The following MYO1B variants were observed in gnomAD, a reference collection of about 807,000 sequenced individuals.
The protein encoded by MYO1B is myosin IB.
In MYO1B, 72 loss-of-function variants were observed where a neutral mutation model predicts 159.7. That is an observed-to-expected ratio of 0.45 (90% CI 0.37 to 0.55). The LOEUF (loss-of-function observed/expected upper bound fraction) is 0.55. Ranked by LOEUF, MYO1B falls within the 20% of genes least tolerant of loss-of-function variation. The pLI is 0.00. For missense variants in MYO1B, 1,062 were observed against 1,364.8 expected, an observed-to-expected ratio of 0.78 and a Z score of 3.50; for synonymous variants, 468 against 473.8, an observed-to-expected ratio of 0.99 and a Z score of 0.16.
chr2:191,352,483 A>G (rs13429218), intron 7 of MYO1B, among the ~76,000 whole-genome samples: 3,361 of 152,326 alleles, frequency 0.022, 114 homozygotes, highest in African/African-American at 0.075. Flanking sequence ...AAATAACTTC[A>G]GTTTTAAATT....
intron 1 of MYO1B, among the ~76,000 whole-genome samples, chr2:191,260,263 T>TTTTTTTTTTTTTTTTTTTTTTG (rs1686728684): frequency 7.0e-6 from 1 of 143,482 alleles, no homozygotes. Context: ...GCTTTTTTTT[T>TTTTTTTTTTTTTTTTTTTTTTG]TTTTGAATTA....
At chr2:191,411,771 T>G (rs958913687) in intron 27 of MYO1B, among the ~76,000 whole-genome samples, 1 of 152,186 alleles carries the variant, frequency 6.6e-6, no homozygotes, top group Non-Finnish European at 1.5e-5. Context: ...CAATCCCAAG[T>G]TCAGCAAGTG....
chr2:191,283,625 A>G (rs1011176016), intron 2 of MYO1B, among the ~76,000 whole-genome samples: 17 of 152,230 alleles, frequency 1.1e-4, no homozygotes, highest in Admixed American at 1.3e-4. Context: ...TTACATATGA[A>G]GAAACCGAGG....
intron 7 of MYO1B, among the ~76,000 whole-genome samples, chr2:191,353,316 T>C (rs988042850): frequency 1.3e-5 from 2 of 152,228 alleles, no homozygotes; most frequent in African/African-American, 4.8e-5. Flanking sequence ...CATCTAGTGT[T>C]ATGAACTGGA....
At chr2:191,351,588 T>C (rs773977761) in intron 7 of MYO1B, among the ~76,000 whole-genome samples, 3 of 152,206 alleles carry the variant, frequency 2.0e-5, no homozygotes, top group Non-Finnish European at 4.4e-5. Context: ...CTGTAGTTCT[T>C]AAATAATTTA....
At chr2:191,356,539 A>C (rs1399685225) in intron 7 of MYO1B, among the ~76,000 whole-genome samples, 2 of 152,132 alleles carry the variant, frequency 1.3e-5, no homozygotes, top group African/African-American at 4.8e-5. Flanking sequence ...GTTGTTCTTC[A>C]TACAAACATA....
At chr2:191,397,606 C>T (rs1394807990) in intron 21 of MYO1B, among the ~76,000 whole-genome samples, 2 of 149,402 alleles carry the variant, frequency 1.3e-5, no homozygotes, top group Admixed American at 1.3e-4. Flanking sequence ...CCACACAGAC[C>T]CGGCAACCAT....
At chr2:191,413,974 C>A in intron 27 of MYO1B, 74 bp from the exon 28 acceptor site, 1 of 1,475,140 alleles carries the variant, frequency 6.8e-7, no homozygotes, top group Non-Finnish European at 9.1e-7. Flanking sequence ...TTAGAATCAA[C>A]TGACCTGTTT....
chr2:191,400,162 G>C (rs905144779), intron 21 of MYO1B, among the ~76,000 whole-genome samples: 6 of 152,230 alleles, frequency 3.9e-5, no homozygotes, highest in South Asian at 4.1e-4. Flanking sequence ...GGTACGGGAG[G>C]CTGCTGTTCC....
At chr2:191,362,007 C>T (rs544398313) in intron 8 of MYO1B, among the ~76,000 whole-genome samples, 97 of 152,006 alleles carry the variant, frequency 6.4e-4, no homozygotes, top group African/African-American at 2.2e-3. Flanking sequence ...TGAAATAATA[C>T]ATTGAAGGTA....
At chr2:191,276,295 C>T (rs866222535) in intron 1 of MYO1B, among the ~76,000 whole-genome samples, 1 of 152,160 alleles carries the variant, frequency 6.6e-6, no homozygotes, top group South Asian at 2.1e-4. Flanking sequence ...TGAGTTCTTT[C>T]ACATCAAATG....
chr2:191,342,960 T>C (rs1331113385), intron 5 of MYO1B, among the ~76,000 whole-genome samples: 1 of 152,308 alleles, frequency 6.6e-6, no homozygotes, highest in South Asian at 2.1e-4. Context: ...CTTAACATAT[T>C]TGTTATGGTG....
chr2:191,365,341 C>T (rs11695358), intron 11 of MYO1B, among the ~76,000 whole-genome samples: 150,051 of 152,328 alleles, frequency 0.99, 73,945 homozygotes, highest in Middle Eastern at 1. Context: ...CCAGGCTTGC[C>T]CTCTGTTGCT....
intron 5 of MYO1B, among the ~76,000 whole-genome samples, chr2:191,342,420 A>C (rs1296736560): frequency 2.6e-5 from 4 of 152,234 alleles, no homozygotes; most frequent in African/African-American, 4.8e-5. Context: ...CATTCAGCCC[A>C]TAACATCATC....
chr2:191,281,545 T>G (rs561636006), intron 2 of MYO1B, among the ~76,000 whole-genome samples: 53 of 152,186 alleles, frequency 3.5e-4, no homozygotes, highest in Admixed American at 2.2e-3. Flanking sequence ...TCAGACCTTC[T>G]TCCGGCCTCC....
chr2:191,423,860 A>G lies in MYO1B; in HGVS notation c.3311A>G (p.Asp1104Gly). Residue 1104 changes from aspartate (D) to glycine (G), a missense_variant, in exon 31 of 31, where the codon GAC becomes GGC. Transcript: ENST00000392318. The part of the protein sequence containing the change: ...SDEFLVQFRQ[D>G]KVCVKFIQGN... The stretch of plus-strand genomic sequence containing the variant: ...AGGTTCCTGGTACAGTTCAGACAGG[A>G]CAAAGTATGTGTGAAGTTTATTCAG... 4.3e-6 allele frequency: 7 copies of G among 1,614,034 alleles called. No homozygotes were observed. The highest frequency in any genetic ancestry group is 5.9e-6 in the Non-Finnish European group (7 of 1,179,922).
chr2:191,390,595 C>T, intron 18 of MYO1B, 103 bp downstream of exon 18: 1 of 1,291,940 alleles, frequency 7.7e-7, no homozygotes, highest in South Asian at 1.5e-5. Flanking sequence ...TTATGAAAAA[C>T]TGGATGTAAC....
At position 191,286,672 on chromosome 2, in the gene MYO1B, C is replaced by A. The variant is rs147995179; in HGVS notation, c.136-9439C>A. Among the ~76,000 whole-genome samples the A allele has an allele frequency of 7.0e-3, 1,068 of 152,272 alleles. 13 individuals carry two copies. The highest frequency in any genetic ancestry group is 0.025 in the African/African-American group (1,019 of 41,562). On this transcript the variant is annotated intron_variant, in intron 2 of 30. Coordinates refer to ENST00000392318, the MANE Select transcript of MYO1B (RefSeq NM_001130158.3). ...TTTGGGTTGGGTGCCGTGGCTAATG[C>A]CTATAATCCCAGCACTTTGGGAGTC...
At chr2:191,250,342 C>T (rs1021007896) in intron 1 of MYO1B, among the ~76,000 whole-genome samples, 1 of 152,136 alleles carries the variant, frequency 6.6e-6, no homozygotes, top group African/African-American at 2.4e-5. Flanking sequence ...GGTTCAGAAC[C>T]CTGACTGAGG....
Sources: allele counts gnomAD v4.1 joint callset (sites outside exome capture counted in the v4.1 genomes callset), GRCh38; gene constraint gnomAD v4.1.1; transcripts MANE v1.5; gene names NCBI Gene and HGNC (gene_info 2026-07-23, HGNC 2026-07-21).